RNASEH2A: variants seen among roughly 807,000 people sequenced by gnomAD.
The protein encoded by RNASEH2A is RNase H(35).
Under a neutral mutation model 32.7 loss-of-function variants are expected in RNASEH2A, and 30 were observed. That is an observed-to-expected ratio of 0.92 (90% CI 0.69 to 1.25). The LOEUF (loss-of-function observed/expected upper bound fraction) is 1.25. Among genes scored for constraint, RNASEH2A ranks in the 50% most tolerant of loss-of-function variants. The pLI is 0.00. For missense variants in RNASEH2A, 409 were observed against 398.1 expected (o/e 1.03, Z -0.23); for synonymous variants, 147 against 165.4 (o/e 0.89, Z 0.86).
chr19:12,813,014 A>C, intron 6 of RNASEH2A, 69 bp from the exon 7 acceptor site: 1 of 1,608,938 alleles, frequency 6.2e-7, no homozygotes, highest in East Asian at 2.2e-5. Flanking sequence ...AAAGAAAAAA[A>C]AAAGAGTGGC....
chr19:12,813,018 G>T, intron 6 of RNASEH2A, 65 bp from the exon 7 acceptor site: 1 of 1,592,950 alleles, frequency 6.3e-7, no homozygotes, highest in Non-Finnish European at 8.6e-7. Context: ...AAAAAAAAAA[G>T]AGTGGCAGGG....
chr19:12,810,246 C>A (rs202114154), intron 5 of RNASEH2A, 38 bp downstream of exon 5: 2 of 1,614,170 alleles, frequency 1.2e-6, no homozygotes, highest in Admixed American at 1.7e-5. Flanking sequence ...TTCCACCATC[C>A]CACTATATAG....
In RNASEH2A at chr19:12,813,589, G is replaced by T; in HGVS notation, c.*123G>T. On this transcript the variant is annotated 3_prime_UTR_variant, in exon 8 of 8. Transcript: ENST00000221486. Reference sequence around the variant, plus strand: ...AGGTGGGAGTGTGCTCTGCAGCCGGGTCCAGCTACTTCCTTTTGGAACCTT... The same window carrying T: ...AGGTGGGAGTGTGCTCTGCAGCCGGTTCCAGCTACTTCCTTTTGGAACCTT... 3.3e-6 allele frequency: 4 copies of T among 1,224,872 alleles called. No individual in the cohort carries two copies. The highest frequency in any genetic ancestry group is 4.7e-6 in the Non-Finnish European group (4 of 843,870). 75.9% of individuals were successfully genotyped at this position (1,224,872 alleles called of 1,614,324 possible).
chr19:12,810,808 G>A (rs565305001), intron 6 of RNASEH2A, among the ~76,000 whole-genome samples: 2 of 151,988 alleles, frequency 1.3e-5, no homozygotes, highest in Non-Finnish European at 2.9e-5. Context: ...GGGATTACAG[G>A]CATGAGCCAC....
chr19:12,810,455 C>A, intron 6 of RNASEH2A, 51 bp downstream of exon 6: 1 of 1,433,472 alleles, frequency 7.0e-7, no homozygotes, highest in Non-Finnish European at 9.8e-7. Flanking sequence ...CAGGGCTGAG[C>A]ACACTTCTGA....
At chr19:12,810,459 C>A in intron 6 of RNASEH2A, 55 bp downstream of exon 6, 1 of 1,391,272 alleles carries the variant, frequency 7.2e-7, no homozygotes, top group Non-Finnish European at 1.0e-6. Context: ...GCTGAGCACA[C>A]TTCTGAGGTT....
intron 4 of RNASEH2A, among the ~76,000 whole-genome samples, chr19:12,809,112 C>T (rs141901212): frequency 1.3e-5 from 2 of 152,112 alleles, no homozygotes; most frequent in Non-Finnish European, 1.5e-5. Flanking sequence ...CAGTAGCTCA[C>T]GCCTGTAATC....
At chr19:12,810,753 C>T (rs887622341) in intron 6 of RNASEH2A, among the ~76,000 whole-genome samples, 3 of 152,124 alleles carry the variant, frequency 2.0e-5, no homozygotes, top group Non-Finnish European at 2.9e-5. Flanking sequence ...TGGTCTTGAA[C>T]TCCTGACCTC....
intron 3 of RNASEH2A, 42 bp from the exon 4 acceptor site, chr19:12,807,377 G>A: frequency 6.2e-7 from 1 of 1,614,162 alleles, no homozygotes; most frequent in Non-Finnish European, 8.5e-7. Flanking sequence ...ACCAAGCTTT[G>A]TTCCTAGAAT....
chr19:12,811,894 G>T (rs1969078173), intron 6 of RNASEH2A, among the ~76,000 whole-genome samples: 1 of 151,056 alleles, frequency 6.6e-6, no homozygotes, highest in South Asian at 2.1e-4. Context: ...TCCAGCCTGG[G>T]AAATGAGCAA....
At chr19:12,807,570 T>G (rs746544633) in intron 4 of RNASEH2A, 64 bp downstream of exon 4, 3 of 1,324,196 alleles carry the variant, frequency 2.3e-6, no homozygotes, top group Non-Finnish European at 3.3e-6. Flanking sequence ...AAAACAGGAG[T>G]TCGAGACTGC....
intron 4 of RNASEH2A, among the ~76,000 whole-genome samples, chr19:12,809,078 A>G (rs966190597): frequency 7.3e-5 from 11 of 151,412 alleles, no homozygotes; most frequent in African/African-American, 2.7e-4. Flanking sequence ...CTGGGCAGAA[A>G]GATGGTCAGC....
chr19:12,813,015 AAAG>A, intron 6 of RNASEH2A, 65 bp from the exon 7 acceptor site: 1 of 1,609,206 alleles, frequency 6.2e-7, no homozygotes, highest in Non-Finnish European at 8.5e-7. Context: ...AAGAAAAAAA[AAAG>A]AGTGGCAGGG....
intron 4 of RNASEH2A, chr19:12,808,010 G>A: frequency 4.9e-6 from 1 of 202,596 alleles, no homozygotes. Flanking sequence ...CAGCGTTTCA[G>A]GAGGCTGAGG....
rs1224816425 is a variant in RNASEH2A, at chr19:12,813,210, G to A, written c.761+4G>A. On this transcript the variant is annotated splice_donor_region_variant and intron_variant, in intron 7 of 7. Coordinates refer to ENST00000221486, the MANE Select transcript of RNASEH2A (RefSeq NM_006397.3). ...AAGAGGCGGAAGATGTTATATGGTG[G>A]GTGTCATGGATGTCCTGGGGGTGCT... 1.2e-6 allele frequency: 2 copies of A among 1,613,862 alleles called. No homozygotes were observed. Among genetic ancestry groups the A allele is most frequent in the African/African-American group, 1.3e-5 (1 of 74,896 alleles).
chr19:12,807,400 G>A lies in RNASEH2A; in HGVS notation c.324-19G>A. ...TTGTTCCTAGAATGAGATTAACTGG[G>A]CTCTGTTCCCCACCACAGGGTCAAA... On this transcript the variant is annotated intron_variant, in intron 3 of 7. Coordinates refer to ENST00000221486, the MANE Select transcript of RNASEH2A (RefSeq NM_006397.3). 1 of 1,614,070 alleles carries A rather than the reference G, an allele frequency of 6.2e-7. No homozygotes were observed. The highest frequency in any genetic ancestry group is 2.2e-5 in the East Asian group (1 of 44,888).
At chr19:12,807,709 A>C in intron 4 of RNASEH2A, 1 of 606,370 alleles carries the variant, frequency 1.6e-6, no homozygotes, top group South Asian at 1.8e-5. Flanking sequence ...CGGCGGGTAG[A>C]TCACCGGAGG....
In RNASEH2A at chr19:12,807,456, G is replaced by A. The variant is rs753384166; in HGVS notation, c.361G>A (p.Ala121Thr). ...YNLNSLSHDTATGLIQYALDQ... is the reference protein window; with the variant it reads ...YNLNSLSHDTTTGLIQYALDQ... The stretch of plus-strand genomic sequence containing the variant: ...CCTGAACTCCCTGTCACATGATACA[G>A]CCACTGGGCTTATACAGTATGCATT... Residue 121 changes from alanine to threonine, a missense_variant, in exon 4 of 8, where the codon GCC becomes ACC. Coordinates refer to ENST00000221486, the MANE Select transcript of RNASEH2A (RefSeq NM_006397.3). 3.7e-6 allele frequency: 6 copies of A among 1,614,094 alleles called. No individual in the cohort carries two copies. The Admixed American group carries it at 8.3e-5, about 22-fold the overall frequency.
At chr19:12,808,361 T>C (rs1969027103) in intron 4 of RNASEH2A, among the ~76,000 whole-genome samples, 1 of 152,210 alleles carries the variant, frequency 6.6e-6, no homozygotes, top group Admixed American at 6.5e-5. Context: ...GATTTCGTGC[T>C]CCTGTTTCTG....
Sources: gnomAD v4.1 joint callset for allele counts (sites outside exome capture counted in the v4.1 genomes callset) on GRCh38, gnomAD v4.1.1 for gene constraint, MANE v1.5 for transcripts, NCBI Gene and HGNC (gene_info 2026-07-23, HGNC 2026-07-21) for gene names.